The following RABEP1 variants were observed in gnomAD, a reference collection of about 807,000 sequenced individuals.
The protein encoded by RABEP1 is rab GTPase-binding effector protein 1.
RABEP1 carries 51 observed loss-of-function variants against 123.4 expected under a neutral mutation model. The observed-to-expected ratio is 0.41, with a 90% CI of 0.33 to 0.52. The LOEUF (loss-of-function observed/expected upper bound fraction) is 0.52. RABEP1 is among the 20% of genes least tolerant of loss of function. The pLI is 0.16. For missense variants in RABEP1, 888 were observed against 996.3 expected, an observed-to-expected ratio of 0.89 and a Z score of 1.46; for synonymous variants, 347 against 355.2, an observed-to-expected ratio of 0.98 and a Z score of 0.26.
At chr17:5,331,027 CTTTTTT>C (rs1187502263) in intron 2 of RABEP1, among the ~76,000 whole-genome samples, 2 of 87,048 alleles carry the variant, frequency 2.3e-5, no homozygotes, top group Non-Finnish European at 4.4e-5. Flanking sequence ...TATCTCTTAA[CTTTTTT>C]TTTTTTTTTT....
intron 2 of RABEP1, among the ~76,000 whole-genome samples, chr17:5,309,762 G>A (rs567892377): frequency 1.3e-5 from 2 of 151,976 alleles, no homozygotes; most frequent in African/African-American, 4.8e-5. Flanking sequence ...TCTGAGTATC[G>A]ACCTAGAATA....
At chr17:5,375,517 C>A (rs1270912663) in intron 13 of RABEP1, among the ~76,000 whole-genome samples, 3 of 152,016 alleles carry the variant, frequency 2.0e-5, no homozygotes, top group Admixed American at 2.0e-4. Context: ...CATGGCAAAA[C>A]CCCGATGCTA....
chr17:5,287,910 T>C (rs1024623497), intron 1 of RABEP1, among the ~76,000 whole-genome samples: 1 of 151,166 alleles, frequency 6.6e-6, no homozygotes, highest in Non-Finnish European at 1.5e-5. Flanking sequence ...AGACCCTGTC[T>C]CAAAAAAAAA....
chr17:5,381,328 G>A, intron 16 of RABEP1, 61 bp from the exon 17 acceptor site: 1 of 1,579,744 alleles, frequency 6.3e-7, no homozygotes, highest in Non-Finnish European at 8.6e-7. Context: ...ACAAGTTACT[G>A]GATTTCCTAA....
chr17:5,317,924 G>T (rs1233448265), intron 2 of RABEP1, among the ~76,000 whole-genome samples: 1 of 152,202 alleles, frequency 6.6e-6, no homozygotes, highest in African/African-American at 2.4e-5. Flanking sequence ...AAAAAGGATA[G>T]GGTTTGGAGA....
intron 1 of RABEP1, among the ~76,000 whole-genome samples, chr17:5,286,526 A>G (rs935896881): frequency 6.6e-6 from 1 of 152,176 alleles, no homozygotes; most frequent in Non-Finnish European, 1.5e-5. Context: ...TCAATTAACA[A>G]GTATTTGTGT....
At chr17:5,308,623 A>T (rs1304728790) in intron 1 of RABEP1, 71 bp from the exon 2 acceptor site, 3 of 1,391,682 alleles carry the variant, frequency 2.2e-6, no homozygotes, top group Non-Finnish European at 2.9e-6. Flanking sequence ...TACAGCTAGA[A>T]TACTAATTTA....
chr17:5,375,610 T>C (rs1267134899), intron 13 of RABEP1, among the ~76,000 whole-genome samples: 1 of 151,614 alleles, frequency 6.6e-6, no homozygotes, highest in Non-Finnish European at 1.5e-5. Flanking sequence ...GAGGCTGAGG[T>C]GGGAGGGGTC....
In RABEP1 at chr17:5,377,737, A is replaced by G. The variant is rs551084568; in HGVS notation, c.2215+432A>G. On this transcript the variant is annotated intron_variant, in intron 14 of 17. Transcript: ENST00000537505. The stretch of plus-strand genomic sequence containing the variant: ...GAGACGGGTTTCTCCATGTTGGTCA[A>G]GCTGGTCTCGAACTCCTGACCTCAG... 2.6e-5 allele frequency among the ~76,000 whole-genome samples: 4 copies of G among 152,094 alleles called. No individual in the cohort carries two copies. In the East Asian group the frequency reaches 7.7e-4, roughly 29 times the overall value.
rs770769464 is a variant in RABEP1 at position 5,361,351 on chromosome 17, C to T, written c.1239C>T (p.Thr413=). 5 of 1,614,000 alleles carry T rather than the reference C, an allele frequency of 3.1e-6. No homozygotes were observed. In the Admixed American group the frequency reaches 6.7e-5, roughly 22 times the overall value. Residue 413 remains threonine (T), a synonymous_variant, in exon 9 of 18, where the codon ACC becomes ACT. Transcript: ENST00000537505. ...RRAQSTDSLG[T]SGSLQSKALG... ...CACAGTCTACAGACAGCTTGGGAAC[C>T]TCGGGCTCATTGCAATCCAAAGCTT...
rs776950646 is a variant in RABEP1 at position 5,386,187 on chromosome 17, G to A, written c.*2964G>A. Reference sequence around the variant, plus strand: ...CTTCAATGGTGTTCAGTTCAGGTGTGAGTCAGCTCCTGGTGGTGTCAGAAG... The same window carrying A: ...CTTCAATGGTGTTCAGTTCAGGTGTAAGTCAGCTCCTGGTGGTGTCAGAAG... On this transcript the variant is annotated 3_prime_UTR_variant, in exon 18 of 18. Transcript: ENST00000537505. 1 of 1,601,288 alleles carries A rather than the reference G, an allele frequency of 6.2e-7. No individual in the cohort carries two copies. Among genetic ancestry groups the A allele is most frequent in the Non-Finnish European group, 8.5e-7 (1 of 1,170,056 alleles).
intron 1 of RABEP1, among the ~76,000 whole-genome samples, chr17:5,299,396 A>G (rs1363051705): frequency 7.0e-6 from 1 of 142,806 alleles, no homozygotes; most frequent in Non-Finnish European, 1.5e-5. Context: ...TTTTTTTTTT[A>G]AGCAGTTTTA....
chr17:5,282,455 C>T lies in RABEP1; in HGVS notation c.-32C>T, dbSNP rs1416182916. On this transcript the variant is annotated 5_prime_UTR_variant, in exon 1 of 18. Transcript: ENST00000537505. ...GAGCCCAGGACGCCGCTTCCCCGCC[C>T]ATCCCCGCTCCCCGAGGCCGGCCGC... 6.7e-6 allele frequency: 9 copies of T among 1,346,302 alleles called. No homozygotes were observed. The Admixed American group carries it at 2.3e-4, about 34-fold the overall frequency. 83.4% of individuals were successfully genotyped at this position (1,346,302 alleles called of 1,614,324 possible).
At chr17:5,286,748 TAATA>T (rs975277487) in intron 1 of RABEP1, among the ~76,000 whole-genome samples, 3 of 152,126 alleles carry the variant, frequency 2.0e-5, no homozygotes, top group Admixed American at 1.3e-4. Flanking sequence ...GCAATATAGA[TAATA>T]AATAACCCTG....
chr17:5,318,055 A>G (rs894263476), intron 2 of RABEP1, among the ~76,000 whole-genome samples: 2 of 152,156 alleles, frequency 1.3e-5, no homozygotes, highest in Admixed American at 1.3e-4. Context: ...TATCCTTTGT[A>G]ATAGTCTTTA....
chr17:5,347,783 A>C (rs551370425), intron 6 of RABEP1, among the ~76,000 whole-genome samples: 6 of 152,326 alleles, frequency 3.9e-5, no homozygotes, highest in African/African-American at 1.4e-4. Flanking sequence ...TATTGCAATA[A>C]AAAGACACTC....
At position 5,386,133 on chromosome 17, in the gene RABEP1, TCTAC is replaced by T; in HGVS notation, c.*2913_*2916del. The T allele has an allele frequency of 9.0e-7, 1 of 1,115,990 alleles. No individual in the cohort carries two copies. The highest frequency in any genetic ancestry group is 1.5e-5 in the South Asian group (1 of 68,842). 69.1% of individuals were successfully genotyped at this position (1,115,990 alleles called of 1,614,324 possible). On this transcript the variant is annotated 3_prime_UTR_variant, in exon 18 of 18. Coordinates refer to ENST00000537505, the MANE Select transcript of RABEP1 (RefSeq NM_004703.6). ...AACACCTTTTTATAAATTAGATAAT[TCTAC>T]CTGTTTTACAATATGGGTTTAAGCC...
At chr17:5,350,208 G>A (rs1367607882) in intron 6 of RABEP1, among the ~76,000 whole-genome samples, 4 of 152,030 alleles carry the variant, frequency 2.6e-5, no homozygotes, top group African/African-American at 9.7e-5. Flanking sequence ...GTGAAACCCC[G>A]TCTCTACTAA....
intron 5 of RABEP1, among the ~76,000 whole-genome samples, chr17:5,342,058 C>T (rs531060316): frequency 6.6e-6 from 1 of 152,060 alleles, no homozygotes; most frequent in Non-Finnish European, 1.5e-5. Flanking sequence ...ATAAAGAAAC[C>T]AGAGAATGTA....
Sources: gnomAD v4.1 joint callset for allele counts (sites outside exome capture counted in the v4.1 genomes callset) on GRCh38, gnomAD v4.1.1 for gene constraint, MANE v1.5 for transcripts, NCBI Gene and HGNC (gene_info 2026-07-23, HGNC 2026-07-21) for gene names.